The following RELA variants were observed in gnomAD, a reference collection of about 807,000 sequenced individuals.
The protein encoded by RELA is RELA proto-oncogene, NF-kB subunit.
RELA carries 14 observed loss-of-function variants against 56.7 expected under a neutral mutation model. The ratio of observed to expected loss-of-function variants is 0.25; its 90% CI spans 0.16 to 0.39. RELA has a LOEUF of 0.39. Ranked by LOEUF, RELA falls within the 10% of genes least tolerant of loss-of-function variation. RELA has a pLI of 1.00. For missense variants in RELA, 559 were observed against 736.4 expected, an observed-to-expected ratio of 0.76 and a Z score of 2.79; for synonymous variants, 315 against 289.7, an observed-to-expected ratio of 1.09 and a Z score of -0.89.
At chr11:65,661,173 G>A (rs1008880213) in intron 4 of RELA, among the ~76,000 whole-genome samples, 15 of 151,982 alleles carry the variant, frequency 9.9e-5, no homozygotes, top group African/African-American at 2.9e-4. Flanking sequence ...GACTATAGGC[G>A]CATGCCACCA....
chr11:65,658,515 T>A lies in RELA; in HGVS notation c.665-16A>T. The A allele has an allele frequency of 6.3e-7, 1 of 1,583,400 alleles. No homozygotes were observed. The highest frequency in any genetic ancestry group is 2.2e-5 in the East Asian group (1 of 44,446). On this transcript the variant is annotated splice_polypyrimidine_tract_variant and intron_variant, in intron 7 of 10. Coordinates refer to ENST00000406246, the MANE Select transcript of RELA (RefSeq NM_021975.4). The surrounding 1 kb of genome is among the most constrained non-coding windows in gnomAD (Gnocchi z 4.5). Reference sequence around the variant, plus strand: ...TCAATGTCCTCTGCAGGAGATGCGGTGGCAGTGTGGGTCAGTGTGTCTAAC... The same window carrying A: ...TCAATGTCCTCTGCAGGAGATGCGGAGGCAGTGTGGGTCAGTGTGTCTAAC...
chr11:65,662,527 A>C lies in RELA; in HGVS notation c.7+299T>G, dbSNP rs544791850. ...AACTGAATCAGATGCGTTCTCCCCT[A>C]ATAGGGAAACGAAGCCAGAGCTGCC... On this transcript the variant is annotated intron_variant, in intron 1 of 10. Coordinates refer to ENST00000406246, the MANE Select transcript of RELA (RefSeq NM_021975.4). 4 of 442,676 alleles carry C rather than the reference A, an allele frequency of 9.0e-6. No homozygotes were observed. The South Asian group carries it at 2.2e-4, about 24-fold the overall frequency. The allele number at this position is 442,676 out of a possible 1,614,324, so 27.4% of individuals were successfully genotyped here. A position where few individuals can be genotyped will look rare whatever the true frequency, so the allele number is the denominator to read the frequency against.
chr11:65,661,973 C>T lies in RELA; in HGVS notation c.150G>A (p.Arg50=), dbSNP rs1461532832. Residue 50 remains arginine, a synonymous_variant, in exon 3 of 11, where the codon AGG becomes AGA. Transcript: ENST00000406246. ...GRSAGSIPGE[R]STDTTKTHPT... is the part of the protein sequence containing the mutation. ...GGTGGGTCTTGGTGGTATCTGTGCT[C>T]CTCTCGCCTGGGATGCTGCCCGCGG... is the stretch of plus-strand genomic sequence containing the variant. The T allele has an allele frequency of 2.5e-6, 4 of 1,613,808 alleles. No homozygotes were observed. The highest frequency in any genetic ancestry group is 3.4e-6 in the Non-Finnish European group (4 of 1,179,986).
At chr11:65,661,916 A>G in intron 3 of RELA, 21 bp downstream of exon 3, 1 of 1,608,722 alleles carries the variant, frequency 6.2e-7, no homozygotes, top group Non-Finnish European at 8.5e-7. Context: ...CCTTCCCCGC[A>G]CACCCTGGCG....
In RELA at chr11:65,657,268, C is replaced by T. The variant is rs892131454; in HGVS notation, c.877+1019G>A. On this transcript the variant is annotated intron_variant, in intron 8 of 10. Coordinates refer to ENST00000406246, the MANE Select transcript of RELA (RefSeq NM_021975.4). The stretch of plus-strand genomic sequence containing the variant: ...TGAGCTTGGTCTGTAAGACGCAAAA[C>T]GGCTGCAGGGCTGAAGGGTAACTGA... 5.3e-5 allele frequency among the ~76,000 whole-genome samples: 8 copies of T among 152,162 alleles called. No individual in the cohort carries two copies. In the East Asian group the frequency reaches 1.2e-3, roughly 22 times the overall value.
intron 8 of RELA, among the ~76,000 whole-genome samples, chr11:65,656,649 G>A (rs1590933546): frequency 2.0e-5 from 3 of 152,330 alleles, no homozygotes; most frequent in Admixed American, 6.5e-5. Context: ...GGATGTGGCC[G>A]TGAGTATGCA....
At chr11:65,659,975 A>T in intron 5 of RELA, 149 bp downstream of exon 5, 3 of 1,152,424 alleles carry the variant, frequency 2.6e-6, no homozygotes. Context: ...CCCTCCTGGG[A>T]CTCAGTTTCC....
At position 65,654,266 on chromosome 11, in the gene RELA, C is replaced by A; in HGVS notation, c.*112G>T. On this transcript the variant is annotated 3_prime_UTR_variant, in exon 11 of 11. Transcript: ENST00000406246. ...ATATGGCTCCCCCCTCCAAGGAAGA[C>A]ATCCACAAAGTTGGGGGCAGTTGGA... The A allele has an allele frequency of 7.6e-7, 1 of 1,314,644 alleles. No individual in the cohort carries two copies. Among genetic ancestry groups the A allele is most frequent in the Non-Finnish European group, 1.1e-6 (1 of 918,574 alleles). 81.4% of individuals were successfully genotyped at this position (1,314,644 alleles called of 1,614,324 possible).
At chr11:65,655,351 TGCAGA>T (rs757505899) in intron 10 of RELA, 162 of 575,134 alleles carry the variant, frequency 2.8e-4, no homozygotes, top group Admixed American at 9.0e-4. Flanking sequence ...CGGCCTGAAG[TGCAGA>T]GCTTGTCAGT....
At position 65,662,806 on chromosome 11, in the gene RELA, G is replaced by A. The variant is rs1161908499; in HGVS notation, c.7+20C>T. Reference sequence around the variant, plus strand: ...GCGGCCCCGGCGATGCCACCCCGCGGGGTCAGAGGGCGACCTCACCGTCCA... The same window carrying A: ...GCGGCCCCGGCGATGCCACCCCGCGAGGTCAGAGGGCGACCTCACCGTCCA... On this transcript the variant is annotated intron_variant, in intron 1 of 10. Transcript: ENST00000406246. 3 of 1,200,074 alleles carry A rather than the reference G, an allele frequency of 2.5e-6. No homozygotes were observed. Among genetic ancestry groups the A allele is most frequent in the Non-Finnish European group, 3.1e-6 (3 of 967,436 alleles). The allele number at this position is 1,200,074 out of a possible 1,614,324, so 74.3% of individuals were successfully genotyped here. A position where few individuals can be genotyped will look rare whatever the true frequency, so the allele number is the denominator to read the frequency against.
Position 65,655,182 on chromosome 11 carries a change from C to A in RELA, c.1034-182G>T, listed in dbSNP as rs1223365738. On this transcript the variant is annotated intron_variant, in intron 10 of 10. Transcript: ENST00000406246. ...AGCCTGTAGGGTCCAGTTCTAGCCA[C>A]ACCTCCACCTTGGAGTCCTCCCTGA... 5 of 610,066 alleles carry A rather than the reference C, an allele frequency of 8.2e-6. No individual in the cohort carries two copies. In the South Asian group the frequency reaches 1.0e-4, roughly 12 times the overall value. The allele number at this position is 610,066 out of a possible 1,614,324, so 37.8% of individuals were successfully genotyped here. A position where few individuals can be genotyped will look rare whatever the true frequency, so the allele number is the denominator to read the frequency against.
intron 1 of RELA, 154 bp from the exon 2 acceptor site, chr11:65,662,359 A>AG: frequency 1.2e-6 from 1 of 863,984 alleles, no homozygotes; most frequent in Non-Finnish European, 1.7e-6. Flanking sequence ...TAAGGGGTGG[A>AG]GGAAAGGAAC....
At chr11:65,663,450 C>G (rs1302912469), upstream of RELA, among the ~76,000 whole-genome samples, 3 of 152,050 alleles carry the variant, frequency 2.0e-5, no homozygotes, top group Non-Finnish European at 4.4e-5. Context: ...GGAATGGGAG[C>G]GGCCGGACCT....
chr11:65,662,770 C>T, intron 1 of RELA, 56 bp downstream of exon 1: 2 of 1,189,232 alleles, frequency 1.7e-6, no homozygotes, highest in Non-Finnish European at 2.1e-6. Flanking sequence ...GGGGCTCCCG[C>T]CACAGCCGCG....
At chr11:65,660,307 C>CT in intron 4 of RELA, 92 bp from the exon 5 acceptor site, 1 of 1,149,752 alleles carries the variant, frequency 8.7e-7, no homozygotes, top group South Asian at 1.3e-5. Context: ...CTGCCCACCC[C>CT]TAGATCATCG....
In RELA at chr11:65,659,700, C is replaced by T; in HGVS notation, c.525G>A (p.Leu175=). The T allele has an allele frequency of 6.2e-6, 10 of 1,613,888 alleles. No homozygotes were observed. Among genetic ancestry groups the T allele is most frequent in the Non-Finnish European group, 8.5e-6 (10 of 1,180,000 alleles). ...AGATGGGATGAGAAAGGACAGGCGG[C>T]AGGCGGAGGGGCCTGCCTGATGGGT... is the stretch of plus-strand genomic sequence containing the variant. ...VRDPSGRPLR[L]PPVLSHPIFD... Residue 175 remains leucine, a synonymous_variant, in exon 6 of 11, where the codon CTG becomes CTA. Transcript: ENST00000406246.
chr11:65,661,943 G>A lies in RELA; in HGVS notation c.180C>T (p.Thr60=), dbSNP rs746624217. 15 of 1,613,244 alleles carry A rather than the reference G, an allele frequency of 9.3e-6. No homozygotes were observed. In the East Asian group the frequency reaches 2.9e-4, roughly 31 times the overall value. The change falls in exon 3 of 11, where the codon ACC becomes ACT. Residue 60 remains threonine (T), a synonymous_variant. Coordinates refer to ENST00000406246, the MANE Select transcript of RELA (RefSeq NM_021975.4). ...ACCCTGGCGCAGTGCTGACCTTGAT[G>A]GTGGGGTGGGTCTTGGTGGTATCTG... ...RSTDTTKTHP[T]IKINGYTGPG... is the part of the protein sequence containing the mutation.
At position 65,658,867 on chromosome 11, in the gene RELA, T is replaced by A. The variant is rs767558127; in HGVS notation, c.560-45A>T. The A allele has an allele frequency of 6.5e-7, 1 of 1,538,482 alleles. No individual in the cohort carries two copies. Among genetic ancestry groups the A allele is most frequent in the East Asian group, 2.2e-5 (1 of 44,454 alleles). On this transcript the variant is annotated intron_variant, in intron 6 of 10. Transcript: ENST00000406246. This position sits in a 1 kb window ranked among gnomAD's most constrained non-coding sequence, Gnocchi z 4.5. ...GGAGGATGACCTGAGCCACGAGAGG[T>A]CCCCAGGGTGGCCTGCAGGAGATGC...
chr11:65,662,301 C>A, intron 1 of RELA, 96 bp from the exon 2 acceptor site: 1 of 1,392,922 alleles, frequency 7.2e-7, no homozygotes. Flanking sequence ...CAGGCTCCCT[C>A]CCAGGGGAAC....
Sources: gnomAD v4.1 joint callset for allele counts (sites outside exome capture counted in the v4.1 genomes callset) on GRCh38, gnomAD v4.1.1 for gene constraint, Gnocchi (gnomAD v3.1) non-coding constraint, MANE v1.5 for transcripts, NCBI Gene and HGNC (gene_info 2026-07-23, HGNC 2026-07-21) for gene names.